The following SEC16A variants were observed in gnomAD, a reference collection of about 807,000 sequenced individuals.
The protein encoded by SEC16A is SEC16 homolog A, endoplasmic reticulum export factor, also known as protein transport protein Sec16A.
SEC16A carries 110 observed loss-of-function variants against 221.9 expected under a neutral mutation model. The ratio of observed to expected loss-of-function variants is 0.50; its 90% CI spans 0.42 to 0.58. SEC16A has a LOEUF of 0.58. Among genes scored for constraint, SEC16A ranks in the 20% least tolerant of loss-of-function variants. SEC16A has a pLI of 0.00. For missense variants in SEC16A, 3,165 were observed against 3,097.8 expected, an observed-to-expected ratio of 1.02 and a Z score of -0.52; for synonymous variants, 1,393 against 1,257.7, an observed-to-expected ratio of 1.11 and a Z score of -2.28.
chr9:136,476,873 G>A lies in SEC16A; in HGVS notation c.743C>T (p.Pro248Leu), dbSNP rs1280707418. The A allele has an allele frequency of 2.5e-6, 4 of 1,611,952 alleles. No homozygotes were observed. The highest frequency in any genetic ancestry group is 1.3e-5 in the African/African-American group (1 of 74,930). Residue 248 changes from proline (P) to leucine (L), a missense_variant, in exon 3 of 32, where the codon CCT becomes CTT. Pro to Leu is a moderately conservative substitution (Grantham distance 98, BLOSUM62 -3). Coordinates refer to ENST00000684901, the MANE Select transcript of SEC16A (RefSeq NM_014866.2). ...PSGVPCATSV[P>L]HFPTPSILHQ... ...TAGGATGGACGGGGTGGGGAAATGA[G>A]GAACGCTGGTGGCACAGGGCACCCC...
chr9:136,475,063 G>A lies in SEC16A; in HGVS notation c.2553C>T (p.Asn851=). 7 of 1,613,788 alleles carry A rather than the reference G, an allele frequency of 4.3e-6. No individual in the cohort carries two copies. The highest frequency in any genetic ancestry group is 2.2e-5 in the South Asian group (2 of 91,064). ...TCCAGGACTGATTCTTCTCATGAGA[G>A]TTCGATAAGGACACAGAAAAGTTAA... is the stretch of plus-strand genomic sequence containing the variant. ...QPINFSVSLS[N]SHEKNQSWRE... Residue 851 remains asparagine (N), a synonymous_variant, in exon 3 of 32, where the codon AAC becomes AAT. Transcript: ENST00000684901. This position sits in a 1 kb window ranked among gnomAD's most constrained non-coding sequence, Gnocchi z 5.0.
chr9:136,471,653 G>C (rs985374076), intron 4 of SEC16A, among the ~76,000 whole-genome samples: 1 of 152,214 alleles, frequency 6.6e-6, no homozygotes, highest in African/African-American at 2.4e-5. Flanking sequence ...CGGACCAACA[G>C]ACGTGCCCCG....
intron 3 of SEC16A, 123 bp downstream of exon 3, chr9:136,473,926 G>T (rs907365809): frequency 8.6e-5 from 91 of 1,061,074 alleles, no homozygotes; most frequent in Non-Finnish European, 1.1e-4. Context: ...TCTCACGCCT[G>T]CGGGACTGTG....
rs570399253 is a variant in SEC16A, at chr9:136,476,362, C to A, written c.1254G>T (p.Val418=). Residue 418 remains valine (V), a synonymous_variant, in exon 3 of 32, where the codon GTG becomes GTT. Transcript: ENST00000684901. ...GLGRPPAPTH[V]GAGSLCQALL... ...GGGCCTGGCAGAGGCTGCCTGCCCC[C>A]ACGTGTGTAGGTGCGGGCGGACGGC... 8.1e-6 allele frequency: 13 copies of A among 1,612,714 alleles called. No individual in the cohort carries two copies. Among genetic ancestry groups the A allele is most frequent in the South Asian group, 6.6e-5 (6 of 91,090 alleles).
In SEC16A at chr9:136,441,563, A is replaced by C. The variant is rs1564444589; in HGVS notation, c.*192T>G. 1.4e-5 allele frequency: 8 copies of C among 580,526 alleles called. No homozygotes were observed. In the Admixed American group the frequency reaches 1.5e-4, roughly 11 times the overall value. The allele number at this position is 580,526 out of a possible 1,614,324, so 36.0% of individuals were successfully genotyped here. ...ATTCAGTCTTTCCATCCAGAATCTG[A>C]AAGGATGGTGGAATTAATTTTCAAA... On this transcript the variant is annotated 3_prime_UTR_variant, in exon 32 of 32. Transcript: ENST00000684901.
At position 136,447,019 on chromosome 9, in the gene SEC16A, C is replaced by T; in HGVS notation, c.6698-70G>A. On this transcript the variant is annotated intron_variant, in intron 27 of 31. Coordinates refer to ENST00000684901, the MANE Select transcript of SEC16A (RefSeq NM_014866.2). This position sits in a 1 kb window ranked among gnomAD's most constrained non-coding sequence, Gnocchi z 5.5. Reference sequence around the variant, plus strand: ...CCCTGGGGTCTCACTGAAGACACTCCGAGAGGAAGAGAGTTTCACACTGCA... The same window carrying T: ...CCCTGGGGTCTCACTGAAGACACTCTGAGAGGAAGAGAGTTTCACACTGCA... 11 of 1,606,312 alleles carry T rather than the reference C, an allele frequency of 6.8e-6. No individual in the cohort carries two copies. Among genetic ancestry groups the T allele is most frequent in the East Asian group, 2.2e-5 (1 of 44,824 alleles).
chr9:136,455,225 G>C (rs550621618), intron 20 of SEC16A, among the ~76,000 whole-genome samples: 1 of 152,220 alleles, frequency 6.6e-6, no homozygotes. Flanking sequence ...TTCCACCGAC[G>C]GGGCCGACTG....
intron 4 of SEC16A, among the ~76,000 whole-genome samples, chr9:136,469,375 C>T (rs1229447713): frequency 6.6e-6 from 1 of 152,208 alleles, no homozygotes; most frequent in Non-Finnish European, 1.5e-5. Context: ...GTAGACCAAG[C>T]CATGATCCTG....
Position 136,443,874 on chromosome 9 carries a change from C to T in SEC16A, c.6954G>A (p.Gly2318=), listed in dbSNP as rs1228201249. 2 of 1,611,020 alleles carry T rather than the reference C, an allele frequency of 1.2e-6. No homozygotes were observed. Among genetic ancestry groups the T allele is most frequent in the African/African-American group, 1.3e-5 (1 of 74,744 alleles). Residue 2318 remains glycine, a synonymous_variant, in exon 31 of 32, where the codon GGG becomes GGA. Coordinates refer to ENST00000684901, the MANE Select transcript of SEC16A (RefSeq NM_014866.2). ...AGGGCATGGCCCCGCTGGGAGGGCC[C>T]CCTGCAGCAGGGAGGTCGCCAGGAG... ...NQAPGDLPAA[G]GPPSGAMPFY... is the part of the protein sequence containing the mutation.
At position 136,474,960 on chromosome 9, in the gene SEC16A, A is replaced by G; in HGVS notation, c.2656T>C (p.Ser886Pro). ...GGDSGENTSL[S>P]GIPTSSVLSL... ...AGGACAGAGCTGGTTGGAATCCCAG[A>G]CAAAGAAGTGTTCTCCCCAGAATCA... The change falls in exon 3 of 32, where the codon TCT becomes CCT. Residue 886 changes from serine (S) to proline (P), a missense_variant. Ser to Pro is a moderately conservative substitution (Grantham distance 74). Transcript: ENST00000684901. 6.2e-7 allele frequency: 1 copy of G among 1,613,832 alleles called. No individual in the cohort carries two copies. Among genetic ancestry groups the G allele is most frequent in the Non-Finnish European group, 8.5e-7 (1 of 1,179,856 alleles).
At chr9:136,463,415 A>C (rs1311320841) in intron 11 of SEC16A, 48 bp downstream of exon 11, 7 of 1,597,842 alleles carry the variant, frequency 4.4e-6, no homozygotes, top group Non-Finnish European at 5.1e-6. Flanking sequence ...CCCAAGACGA[A>C]ATGAAGACCA....
In SEC16A at chr9:136,474,363, C is replaced by T. The variant is rs1279225560; in HGVS notation, c.3253G>A (p.Glu1085Lys). The change falls in exon 3 of 32, where the codon GAA becomes AAA. Residue 1085 changes from glutamate to lysine, a missense_variant. Transcript: ENST00000684901. ...GCCTGTCCCTGTGCGGGCAGACTTTCTGGATTTGACAGCTCCGAAAACATG... is the reference window on the plus strand; with the variant it reads ...GCCTGTCCCTGTGCGGGCAGACTTTTTGGATTTGACAGCTCCGAAAACATG... ...KAMFSELSNP[E>K]SLPAQGQAQN... 6.2e-7 allele frequency: 1 copy of T among 1,612,556 alleles called. No individual in the cohort carries two copies.
upstream of SEC16A, chr9:136,483,503 G>T (rs1281237210): frequency 8.5e-6 from 8 of 946,664 alleles, no homozygotes; most frequent in African/African-American, 2.2e-5. Context: ...TCCGTCTGCC[G>T]CCTCACCGCT....
At position 136,466,607 on chromosome 9, in the gene SEC16A, C is replaced by T. The variant is rs898518574; in HGVS notation, c.3930-145G>A. On this transcript the variant is annotated intron_variant, in intron 6 of 31. Coordinates refer to ENST00000684901, the MANE Select transcript of SEC16A (RefSeq NM_014866.2). This position sits in a 1 kb window ranked among gnomAD's most constrained non-coding sequence, Gnocchi z 5.5. ...ACACCCGACACTCAGGGCCCTCTGA[C>T]GTGCAACGTTAGAGAAGTACTGCGA... 7.5e-5 allele frequency: 57 copies of T among 764,494 alleles called. No homozygotes were observed. The highest frequency in any genetic ancestry group is 6.6e-4 in the Middle Eastern group (2 of 3,014). 47.4% of individuals were successfully genotyped at this position (764,494 alleles called of 1,614,324 possible).
chr9:136,483,534 T>G (rs998070639), upstream of SEC16A: 97 of 972,190 alleles, frequency 1.0e-4, 1 homozygote, highest in East Asian at 6.1e-3. Context: ...CCTCGCCACC[T>G]GCCCGGCCAG....
chr9:136,460,203 C>T, intron 13 of SEC16A, 80 bp from the exon 14 acceptor site: 1 of 1,191,276 alleles, frequency 8.4e-7, no homozygotes, highest in Non-Finnish European at 1.2e-6. Context: ...TGGCTCACGC[C>T]TGTAATCCCA....
intron 12 of SEC16A, 109 bp downstream of exon 12, chr9:136,462,778 C>G (rs150526245): frequency 2.3e-6 from 3 of 1,282,824 alleles, no homozygotes; most frequent in Non-Finnish European, 3.2e-6. Flanking sequence ...CACTGCAGCG[C>G]GGATGCTCCC....
chr9:136,455,338 G>A (rs1005547290), intron 20 of SEC16A, among the ~76,000 whole-genome samples: 4 of 152,184 alleles, frequency 2.6e-5, no homozygotes, highest in African/African-American at 4.8e-5. Flanking sequence ...GGCAGCGGGC[G>A]CTCAGGGCAG....
intron 30 of SEC16A, among the ~76,000 whole-genome samples, chr9:136,444,447 C>A (rs532253465): frequency 3.3e-5 from 5 of 152,162 alleles, no homozygotes; most frequent in Non-Finnish European, 5.9e-5. Context: ...GCATCCTGAC[C>A]GGGGAAACAC....
Sources: allele counts gnomAD v4.1 joint callset (sites outside exome capture counted in the v4.1 genomes callset), GRCh38; gene constraint gnomAD v4.1.1; non-coding constraint Gnocchi (gnomAD v3.1); transcripts MANE v1.5; gene names NCBI Gene and HGNC (gene_info 2026-07-23, HGNC 2026-07-21).